Variants in BTD observed in about 807,000 individuals in gnomAD.
BTD encodes the protein biotinidase, also known as biocytinase.
Under a neutral mutation model 17.7 loss-of-function variants are expected in BTD, and 13 were observed. The observed-to-expected ratio is 0.74, with a 90% CI of 0.48 to 1.17. The LOEUF is 1.17. Among genes scored for constraint, BTD ranks in the 50% most tolerant of loss-of-function variants. The pLI is 0.00. For synonymous variants in BTD, 240 were observed against 245.2 expected, an observed-to-expected ratio of 0.98 and a Z score of 0.20; for missense variants, 674 against 650.4, an observed-to-expected ratio of 1.04 and a Z score of -0.39.
intron 3 of BTD, chr3:15,679,184 G>T: frequency 4.5e-6 from 4 of 889,828 alleles, no homozygotes; most frequent in Non-Finnish European, 7.3e-6. Context: ...TGACCAGGCT[G>T]GTCTTAAACT....
At chr3:15,677,586 T>A (rs1197989360) in intron 3 of BTD, 12 of 1,544,244 alleles carry the variant, frequency 7.8e-6, no homozygotes, top group Non-Finnish European at 9.8e-6. Flanking sequence ...GTGCATCAAT[T>A]CTTATGTTTA....
At position 15,645,464 on chromosome 3, in the gene BTD, T is replaced by C; in HGVS notation, c.1548T>C (p.Tyr516=). 1.2e-6 allele frequency: 2 copies of C among 1,609,678 alleles called. No homozygotes were observed. The highest frequency in any genetic ancestry group is 1.7e-6 in the Non-Finnish European group (2 of 1,180,006). The change falls in exon 4 of 4, where the codon TAT becomes TAC. Residue 516 remains tyrosine (Y), a synonymous_variant. Coordinates refer to ENST00000643237, the MANE Select transcript of BTD (RefSeq NM_001370658.1). ...LSSGLVTAAL[Y]GRLYERD ...CTGGGCTGGTGACGGCGGCTCTCTA[T>C]GGGCGCTTGTATGAGAGGGACTAGG... is the stretch of plus-strand genomic sequence containing the variant.
chr3:15,715,889 C>CA (rs1207741098), downstream of BTD, among the ~76,000 whole-genome samples: 1 of 151,756 alleles, frequency 6.6e-6, no homozygotes, highest in East Asian at 1.9e-4. Flanking sequence ...AAAAAAAGGG[C>CA]AAAAAAGCAT....
chr3:15,692,135 ATCTCT>A, intron 3 of BTD, among the ~76,000 whole-genome samples: 1 of 128,260 alleles, frequency 7.8e-6, no homozygotes, highest in Non-Finnish European at 1.6e-5. Context: ...ATGAGATTGT[ATCTCT>A]AAATAAAAAA....
chr3:15,720,744 A>C (rs1034338900), intron 4 of BTD, among the ~76,000 whole-genome samples: 1 of 152,194 alleles, frequency 6.6e-6, no homozygotes, highest in Non-Finnish European at 1.5e-5. Context: ...ACATAAATGG[A>C]AAGAATGTAC....
chr3:15,660,545 T>C (rs1405730299), intron 3 of BTD, among the ~76,000 whole-genome samples: 1 of 152,246 alleles, frequency 6.6e-6, no homozygotes, highest in Admixed American at 6.5e-5. Context: ...TCACATTTAT[T>C]GTGTTTATAT....
intron 1 of BTD, chr3:15,632,671 G>C (rs2065241652): frequency 6.6e-6 from 1 of 152,206 alleles, no homozygotes; most frequent in African/African-American, 2.4e-5. Flanking sequence ...TTCCCAGGAA[G>C]GCCCCGCACC....
intron 3 of BTD, chr3:15,670,387 C>T (rs1308772805): frequency 3.1e-6 from 5 of 1,613,892 alleles, no homozygotes; most frequent in Non-Finnish European, 4.2e-6. Flanking sequence ...TCATGATGGG[C>T]AAAGCTTCAA....
intron 1 of BTD, among the ~76,000 whole-genome samples, chr3:15,613,337 A>G (rs2064691195): frequency 6.6e-6 from 1 of 152,124 alleles, no homozygotes; most frequent in Non-Finnish European, 1.5e-5. Flanking sequence ...CTGTATTTCC[A>G]TTCATGTTGC....
At chr3:15,643,074 A>C (rs1399830341) in intron 3 of BTD, among the ~76,000 whole-genome samples, 1 of 151,954 alleles carries the variant, frequency 6.6e-6, no homozygotes, top group African/African-American at 2.4e-5. Context: ...GGAATCCCTC[A>C]AAGGATATGT....
intron 1 of BTD, among the ~76,000 whole-genome samples, chr3:15,632,316 C>G (rs1039894772): frequency 5.3e-5 from 8 of 152,198 alleles, no homozygotes; most frequent in African/African-American, 1.9e-4. Flanking sequence ...CTGTTGGACC[C>G]CTGACACCTA....
intron 1 of BTD, among the ~76,000 whole-genome samples, chr3:15,605,110 A>T (rs1184782532): frequency 6.6e-6 from 1 of 152,166 alleles, no homozygotes; most frequent in African/African-American, 2.4e-5. Context: ...TCTCTGCATT[A>T]CCAATTTTCT....
chr3:15,674,174 CAAAA>C (rs34806568), intron 3 of BTD, among the ~76,000 whole-genome samples: 24 of 40,286 alleles, frequency 6.0e-4, no homozygotes, highest in Admixed American at 5.3e-3. Flanking sequence ...CCTGCCTCTT[CAAAA>C]AAAAAAAAAA....
At chr3:15,626,808 A>G (rs1559587358) in intron 1 of BTD, among the ~76,000 whole-genome samples, 1 of 151,398 alleles carries the variant, frequency 6.6e-6, no homozygotes, top group Non-Finnish European at 1.5e-5. Context: ...AAAGAAAAGA[A>G]AAAGAAGCTA....
chr3:15,666,038 T>G (rs2065982265), intron 3 of BTD, among the ~76,000 whole-genome samples: 1 of 152,164 alleles, frequency 6.6e-6, no homozygotes, highest in Admixed American at 6.5e-5. Context: ...AACTGAAATG[T>G]AAGAAGACAT....
intron 3 of BTD, among the ~76,000 whole-genome samples, chr3:15,666,208 A>T: frequency 6.6e-6 from 1 of 151,436 alleles, no homozygotes. Flanking sequence ...CTAGGAGAAT[A>T]AAATGAGGGG....
At chr3:15,671,801 T>G (rs1390266005) in intron 3 of BTD, among the ~76,000 whole-genome samples, 2 of 151,966 alleles carry the variant, frequency 1.3e-5, no homozygotes, top group Non-Finnish European at 2.9e-5. Flanking sequence ...GCCAGGCTGG[T>G]CTCAAACTCC....
chr3:15,635,208 A>G lies in BTD; in HGVS notation c.-16-216A>G, dbSNP rs1431202085. On this transcript the variant is annotated intron_variant, in intron 1 of 3. Transcript: ENST00000643237. This position sits in a 1 kb window ranked among gnomAD's most constrained non-coding sequence, Gnocchi z 4.1. ...TCTGTTTTGGAAATGTTCTAAAACC[A>G]GACTATTAACACAGTGAGCCATTTT... is the stretch of plus-strand genomic sequence containing the variant. Among the ~76,000 whole-genome samples, 4 of 152,226 alleles carry G rather than the reference A, an allele frequency of 2.6e-5. No individual in the cohort carries two copies. The highest frequency in any genetic ancestry group is 5.9e-5 in the Non-Finnish European group (4 of 68,026).
intron 3 of BTD, 173 bp downstream of exon 3, chr3:15,642,230 T>G (rs925287483): frequency 1.3e-5 from 19 of 1,469,280 alleles, no homozygotes; most frequent in Non-Finnish European, 1.7e-5. Context: ...AAAGAATGTC[T>G]GACGTTACAA....
Sources: allele counts gnomAD v4.1 joint callset (sites outside exome capture counted in the v4.1 genomes callset), GRCh38; gene constraint gnomAD v4.1.1; non-coding constraint Gnocchi (gnomAD v3.1); transcripts MANE v1.5; gene names NCBI Gene and HGNC (gene_info 2026-07-23, HGNC 2026-07-21).